Variants in STK4 observed in about 807,000 individuals in gnomAD.
STK4 encodes serine/threonine kinase 4.
Under a neutral mutation model 64.9 loss-of-function variants are expected in STK4, and 30 were observed. The observed-to-expected ratio is 0.46, with a 90% CI of 0.35 to 0.63. STK4 has a LOEUF of 0.63. Ranked by LOEUF, STK4 falls within the 20% of genes least tolerant of loss-of-function variation. The probability of loss-of-function intolerance (pLI) is 0.01; values close to 1 mark genes in which losing one functional copy is unlikely to be tolerated. For synonymous variants in STK4, 177 were observed against 199.0 expected (o/e 0.89, Z 0.93); for missense variants, 466 against 598.5 (o/e 0.78, Z 2.31).
intron 10 of STK4, among the ~76,000 whole-genome samples, chr20:45,067,667 C>G (rs1043062323): frequency 6.6e-6 from 1 of 152,336 alleles, no homozygotes; most frequent in African/African-American, 2.4e-5. Flanking sequence ...TTTGAATTAT[C>G]TCTGTGATGA....
At chr20:44,999,473 T>G (rs1479527697) in intron 7 of STK4, among the ~76,000 whole-genome samples, 1 of 152,136 alleles carries the variant, frequency 6.6e-6, no homozygotes, top group African/African-American at 2.4e-5. Flanking sequence ...CAAGAAACAA[T>G]GGGGACAATA....
chr20:44,992,135 A>G (rs923001642), intron 5 of STK4, among the ~76,000 whole-genome samples: 4 of 152,078 alleles, frequency 2.6e-5, no homozygotes, highest in Non-Finnish European at 4.4e-5. Flanking sequence ...CAAATTTTAT[A>G]TAGAAAAATC....
At chr20:45,004,052 G>A (rs980183565) in intron 9 of STK4, among the ~76,000 whole-genome samples, 4 of 151,608 alleles carry the variant, frequency 2.6e-5, no homozygotes, top group African/African-American at 9.7e-5. Flanking sequence ...ATAACTGTTG[G>A]TTAGTCCGAG....
intron 10 of STK4, among the ~76,000 whole-genome samples, chr20:45,062,724 C>T (rs898395406): frequency 2.6e-5 from 4 of 151,978 alleles, no homozygotes; most frequent in Admixed American, 6.6e-5. Flanking sequence ...CCAGCTTTGT[C>T]GCCCAGGCTG....
intron 10 of STK4, among the ~76,000 whole-genome samples, chr20:45,036,783 A>G (rs924132097): frequency 1.3e-5 from 2 of 152,194 alleles, no homozygotes; most frequent in East Asian, 3.8e-4. Context: ...AAACTTCATT[A>G]TAGGTATTTA....
chr20:44,971,274 A>G (rs1162552372), intron 1 of STK4, among the ~76,000 whole-genome samples: 1 of 152,206 alleles, frequency 6.6e-6, no homozygotes, highest in Non-Finnish European at 1.5e-5. Context: ...GTGAGCAGCC[A>G]AGTACCTTTG....
In STK4 at chr20:44,995,216, G is replaced by T. The variant is rs1295887166; in HGVS notation, c.652G>T (p.Ala218Ser). The T allele has an allele frequency of 6.2e-7, 1 of 1,613,644 alleles. No individual in the cohort carries two copies. The highest frequency in any genetic ancestry group is 1.1e-5 in the South Asian group (1 of 91,008). ...WSLGITAIEM[A>S]EGKPPYADIH... ...CCTGGGAATAACTGCCATAGAAATG[G>T]CTGAAGGAAAGCCCCCTTATGCTGA... The change falls in exon 6 of 11, where the codon GCT (alanine) becomes TCT (serine). Residue 218 changes from alanine (A) to serine (S), a missense_variant. Transcript: ENST00000372806.
intron 10 of STK4, among the ~76,000 whole-genome samples, chr20:45,056,509 G>A (rs976904450): frequency 6.6e-6 from 1 of 152,182 alleles, no homozygotes; most frequent in Non-Finnish European, 1.5e-5. Context: ...TTTTCAGTGG[G>A]AGAAAATGAG....
At chr20:45,058,714 C>G (rs6094090) in intron 10 of STK4, among the ~76,000 whole-genome samples, 10,212 of 152,180 alleles carry the variant, frequency 0.067, 1,124 homozygotes, top group African/African-American at 0.23. Flanking sequence ...ATGTGATTAG[C>G]TAGCTCTTTT....
chr20:44,987,639 C>T (rs1046286415), intron 5 of STK4, among the ~76,000 whole-genome samples: 3 of 152,088 alleles, frequency 2.0e-5, no homozygotes, highest in African/African-American at 2.4e-5. Context: ...TAAGACATAA[C>T]ATCATCTCAT....
intron 5 of STK4, among the ~76,000 whole-genome samples, chr20:44,989,520 A>G (rs192082342): frequency 1.3e-4 from 18 of 141,270 alleles, no homozygotes; most frequent in Non-Finnish European, 2.9e-4. Flanking sequence ...TATGTACATG[A>G]TTTGCAAATA....
intron 7 of STK4, 77 bp downstream of exon 7, chr20:44,997,383 G>T (rs972348668): frequency 6.6e-7 from 1 of 1,509,178 alleles, no homozygotes; most frequent in Non-Finnish European, 8.9e-7. Flanking sequence ...GGTCACCTAC[G>T]TGGAGATAGT....
At chr20:44,999,161 G>A (rs897492840) in intron 7 of STK4, among the ~76,000 whole-genome samples, 10 of 152,034 alleles carry the variant, frequency 6.6e-5, no homozygotes, top group Admixed American at 4.6e-4. Flanking sequence ...GCATGAAACT[G>A]ATGTTAAATA....
In STK4 at chr20:45,079,938, T is replaced by C. The variant is rs1233517000; in HGVS notation, c.*4762T>C. 6.6e-6 allele frequency: 1 copy of C among 152,244 alleles called. No individual in the cohort carries two copies. The highest frequency in any genetic ancestry group is 1.5e-5 in the Non-Finnish European group (1 of 68,036). The allele number at this position is 152,244 out of a possible 1,614,324, so 9.4% of individuals were successfully genotyped here. ...CATCACGTTTGTTTTAAATAAACTG[T>C]CCTTTGGACCACAAACCCTTATTAA... On this transcript the variant is annotated 3_prime_UTR_variant, in exon 11 of 11. Coordinates refer to ENST00000372806, the MANE Select transcript of STK4 (RefSeq NM_006282.5).
intron 10 of STK4, among the ~76,000 whole-genome samples, chr20:45,069,456 T>C (rs962878102): frequency 2.0e-5 from 3 of 152,252 alleles, no homozygotes; most frequent in African/African-American, 7.2e-5. Flanking sequence ...TCTTTTTTGT[T>C]TGAATAAACA....
In STK4 at chr20:45,070,406, T is replaced by C. The variant is rs549169965; in HGVS notation, c.1306-4612T>C. On this transcript the variant is annotated intron_variant, in intron 10 of 10. Transcript: ENST00000372806. ...ACCAATATTTCAGGGACAAAATTGA[T>C]AGGACTGCTAAAGGATTGGATGTTG... 4.6e-5 allele frequency among the ~76,000 whole-genome samples: 7 copies of C among 152,200 alleles called. No individual in the cohort carries two copies. In the East Asian group the frequency reaches 1.3e-3, roughly 29 times the overall value.
intron 10 of STK4, among the ~76,000 whole-genome samples, chr20:45,041,395 CTGTT>C (rs994871636): frequency 5.9e-5 from 9 of 151,962 alleles, no homozygotes; most frequent in African/African-American, 1.4e-4. Flanking sequence ...ATACTTTTCT[CTGTT>C]TGTTTTTTGT....
intron 1 of STK4, among the ~76,000 whole-genome samples, chr20:44,969,080 C>T (rs151301442): frequency 5.0e-4 from 76 of 152,254 alleles, no homozygotes; most frequent in African/African-American, 1.7e-3. Flanking sequence ...CTTATAAGGA[C>T]ACCAGTCATA....
At chr20:45,042,389 G>A (rs1335765609) in intron 10 of STK4, among the ~76,000 whole-genome samples, 1 of 152,060 alleles carries the variant, frequency 6.6e-6, no homozygotes, top group Non-Finnish European at 1.5e-5. Flanking sequence ...CAAAGAAAGG[G>A]TCTCTATTAG....
Sources: allele counts gnomAD v4.1 joint callset (sites outside exome capture counted in the v4.1 genomes callset), GRCh38; gene constraint gnomAD v4.1.1; transcripts MANE v1.5; gene names NCBI Gene and HGNC (gene_info 2026-07-23, HGNC 2026-07-21).